The following PIGV variants were observed in gnomAD, a reference collection of about 807,000 sequenced individuals.
PIGV encodes the protein phosphatidylinositol glycan anchor biosynthesis class V, also known as GPI alpha-1,6-mannosyltransferase 2.
A neutral mutation model predicts 39.2 loss-of-function variants in PIGV; 27 were observed. The ratio of observed to expected loss-of-function variants is 0.69; its 90% CI spans 0.51 to 0.95. PIGV has a LOEUF of 0.95. Ranked by LOEUF, PIGV falls within the 40% of genes least tolerant of loss-of-function variation. PIGV has a pLI of 0.00. For missense variants in PIGV, 523 were observed against 586.4 expected (o/e 0.89, Z 1.12); for synonymous variants, 232 against 241.7 (o/e 0.96, Z 0.37).
intron 1 of PIGV, chr1:26,788,978 G>A (rs2081276264): frequency 1.3e-5 from 2 of 152,240 alleles, no homozygotes. Flanking sequence ...GCTGAGGCTA[G>A]AGCTTGACTC....
intron 3 of PIGV, among the ~76,000 whole-genome samples, chr1:26,796,649 G>T (rs76388446): frequency 0.17 from 25,599 of 152,198 alleles, 2,706 homozygotes; most frequent in South Asian, 0.26. Context: ...CACGAGGGTT[G>T]TGAAAGGACC....
rs771177205 is a variant in PIGV at position 26,797,776 on chromosome 1, C to G, written c.1414C>G (p.Leu472Val). ...CTGTTCTCCAGTCACACGATACATT[C>G]TAGGCTACTTCCTGACTTACTGGCT... ...KTCSPVTRYI[L>V]GYFLTYWLLG... Residue 472 changes from leucine (L) to valine (V), a missense_variant, in exon 4 of 4, where the codon CTA becomes GTA. By Grantham distance (32) the Leu-to-Val change is conservative (BLOSUM62 1). Transcript: ENST00000674202. The G allele has an allele frequency of 3.7e-6, 6 of 1,613,986 alleles. No homozygotes were observed. The Admixed American group carries it at 5.0e-5, about 13-fold the overall frequency.
At position 26,790,834 on chromosome 1, in the gene PIGV, TC is replaced by T. The variant is rs1188539576; in HGVS notation, c.22del (p.Arg8GlyfsTer5). The T allele has an allele frequency of 6.2e-7, 1 of 1,613,984 alleles. No individual in the cohort carries two copies. The highest frequency in any genetic ancestry group is 1.3e-5 in the African/African-American group (1 of 74,932). Reference protein sequence around the residue: MWPQDPSRKEVLRFAVS... With the variant: MWPQDPXRKEVLRFAVS... ...TGAAAGGATGTGGCCCCAGGACCCA[TC>T]CCGGAAGGAGGTGCTGAGGTTTGCA... On this transcript the variant is annotated frameshift_variant, in exon 2 of 4. Transcript: ENST00000674202. LOFTEE classifies it high-confidence loss of function.
At position 26,794,256 on chromosome 1, in the gene PIGV, T is replaced by G; in HGVS notation, c.222T>G (p.Ile74Met). Residue 74 changes from isoleucine to methionine, a missense_variant, in exon 3 of 4, where the codon ATT becomes ATG. By Grantham distance (10) the Ile-to-Met change is conservative (BLOSUM62 1). Transcript: ENST00000674202. ...SHWDAEHFLFIAEHGYLYEHN... is the reference protein window; with the variant it reads ...SHWDAEHFLFMAEHGYLYEHN... Reference sequence around the variant, plus strand: ...GGGATGCTGAACACTTCTTGTTCATTGCTGAGCATGGCTACCTGTATGAGC... The same window carrying G: ...GGGATGCTGAACACTTCTTGTTCATGGCTGAGCATGGCTACCTGTATGAGC... The G allele has an allele frequency of 6.2e-7, 1 of 1,614,268 alleles. No individual in the cohort carries two copies. The highest frequency in any genetic ancestry group is 8.5e-7 in the Non-Finnish European group (1 of 1,180,046).
intron 1 of PIGV, chr1:26,788,507 C>T (rs1286988003): frequency 6.6e-6 from 1 of 152,300 alleles, no homozygotes; most frequent in Non-Finnish European, 1.5e-5. Context: ...CTACCCTAAG[C>T]ATACCTAGCA....
At position 26,794,969 on chromosome 1, in the gene PIGV, G is replaced by A; in HGVS notation, c.935G>A (p.Trp312Ter). Residue 312 changes from tryptophan to a stop codon, truncating the protein, a stop_gained, in exon 3 of 4, where the codon TGG becomes TAG. Coordinates refer to ENST00000674202, the MANE Select transcript of PIGV (RefSeq NM_017837.4). LOFTEE classifies it high-confidence loss of function. ...TACAGCTATATCCAGGATGTCTACT[G>A]GAATGTTGGCTTTTTGAAATACTAT... is the stretch of plus-strand genomic sequence containing the variant. ...LIYSYIQDVY[W>*]NVGFLKYYEL... 3 of 1,614,184 alleles carry A rather than the reference G, an allele frequency of 1.9e-6. No individual in the cohort carries two copies. Among genetic ancestry groups the A allele is most frequent in the Non-Finnish European group, 2.5e-6 (3 of 1,180,032 alleles).
rs1176057741 is a variant in PIGV, at chr1:26,795,108, G to T, written c.1074G>T (p.Leu358=). The T allele has an allele frequency of 5.0e-6, 8 of 1,614,036 alleles. No homozygotes were observed. In the South Asian group the frequency reaches 8.8e-5, roughly 18 times the overall value. The change falls in exon 3 of 4, where the codon CTG becomes CTT. Residue 358 remains leucine (L), a synonymous_variant. Coordinates refer to ENST00000674202, the MANE Select transcript of PIGV (RefSeq NM_017837.4). ...THPWLCLTLG[L]QRSKNNKTLE... ...CTTGGCTCTGCCTTACACTTGGGCT[G>T]CAAAGGAGCAAGAACAATAAGACCC...
At chr1:26,794,066 T>G in intron 2 of PIGV, 47 bp from the exon 3 acceptor site, 1 of 1,560,044 alleles carries the variant, frequency 6.4e-7, no homozygotes, top group Non-Finnish European at 8.8e-7. Flanking sequence ...GGCAATTCTT[T>G]TCTTCCAGTT....
intron 1 of PIGV, among the ~76,000 whole-genome samples, chr1:26,789,585 C>A (rs979672905): frequency 2.6e-5 from 4 of 152,070 alleles, no homozygotes; most frequent in Non-Finnish European, 5.9e-5. Context: ...TGTTCTAGGC[C>A]CTGGGATATA....
rs368661490 is a variant in PIGV at position 26,795,252 on chromosome 1, C to A, written c.1200+18C>A. 1.9e-6 allele frequency: 3 copies of A among 1,612,944 alleles called. No homozygotes were observed. The African/African-American group carries it at 4.0e-5, about 22-fold the overall frequency. ...ATGTTCAGGTGAGGTGGATTCCTGA[C>A]TGGGATAAGGATGTGAATACAGGCA... On this transcript the variant is annotated intron_variant, in intron 3 of 3. Coordinates refer to ENST00000674202, the MANE Select transcript of PIGV (RefSeq NM_017837.4).
rs964889867 is a variant in PIGV at position 26,794,079 on chromosome 1, T to C, written c.79-34T>C. The C allele has an allele frequency of 1.9e-6, 3 of 1,603,818 alleles. No individual in the cohort carries two copies. The African/African-American group carries it at 4.0e-5, about 21-fold the overall frequency. Reference sequence around the variant, plus strand: ...ATGGCAATTCTTTTCTTCCAGTTACTCAACCAAAATTCTGGTTTTTCTTTA... The same window carrying C: ...ATGGCAATTCTTTTCTTCCAGTTACCCAACCAAAATTCTGGTTTTTCTTTA... On this transcript the variant is annotated intron_variant, in intron 2 of 3. Coordinates refer to ENST00000674202, the MANE Select transcript of PIGV (RefSeq NM_017837.4).
intron 1 of PIGV, 41 bp from the exon 2 acceptor site, chr1:26,790,718 C>G: frequency 1.0e-6 from 1 of 953,668 alleles, no homozygotes; most frequent in Non-Finnish European, 1.7e-6. Context: ...CAAGAATTTG[C>G]TTTCACTCGA....
In PIGV at chr1:26,797,777, T is replaced by C. The variant is rs774605091; in HGVS notation, c.1415T>C (p.Leu472Pro). 102 of 1,613,936 alleles carry C rather than the reference T, an allele frequency of 6.3e-5. No individual in the cohort carries two copies. The highest frequency in any genetic ancestry group is 8.5e-5 in the Non-Finnish European group (100 of 1,179,902). Residue 472 changes from leucine (L) to proline (P), a missense_variant, in exon 4 of 4, where the codon CTA becomes CCA. Leu to Pro is a moderately conservative substitution (Grantham distance 98, BLOSUM62 -3). Coordinates refer to ENST00000674202, the MANE Select transcript of PIGV (RefSeq NM_017837.4). Reference protein sequence around the residue: ...KTCSPVTRYILGYFLTYWLLG... With the variant: ...KTCSPVTRYIPGYFLTYWLLG... ...TGTTCTCCAGTCACACGATACATTC[T>C]AGGCTACTTCCTGACTTACTGGCTC... is the stretch of plus-strand genomic sequence containing the variant.
intron 1 of PIGV, among the ~76,000 whole-genome samples, chr1:26,790,480 G>T (rs2081295500): frequency 6.6e-6 from 1 of 152,198 alleles, no homozygotes; most frequent in Non-Finnish European, 1.5e-5. Context: ...CAGATCTTTA[G>T]TTCCTGCAGA....
In PIGV at chr1:26,797,810, T is replaced by G. The variant is rs149327962; in HGVS notation, c.1448T>G (p.Leu483Arg). The G allele has an allele frequency of 6.8e-6, 11 of 1,613,996 alleles. No individual in the cohort carries two copies. The highest frequency in any genetic ancestry group is 1.7e-5 in the Admixed American group (1 of 60,002). The change falls in exon 4 of 4, where the codon CTA (leucine) becomes CGA (arginine). Residue 483 changes from leucine (L) to arginine (R), a missense_variant. By Grantham distance (102) the Leu-to-Arg change is moderately radical. Coordinates refer to ENST00000674202, the MANE Select transcript of PIGV (RefSeq NM_017837.4). Reference sequence around the variant, plus strand: ...TTCCTGACTTACTGGCTCCTGGGACTACTCCTACATTGCAACTTCCTGCCT... The same window carrying G: ...TTCCTGACTTACTGGCTCCTGGGACGACTCCTACATTGCAACTTCCTGCCT... ...GYFLTYWLLG[L>R]LLHCNFLPWT
chr1:26,798,491 A>C lies in PIGV; in HGVS notation c.*647A>C, dbSNP rs2081415135. 1 of 153,374 alleles carries C rather than the reference A, an allele frequency of 6.5e-6. No individual in the cohort carries two copies. The highest frequency in any genetic ancestry group is 6.5e-5 in the Admixed American group (1 of 15,452). The allele number at this position is 153,374 out of a possible 1,614,324, so 9.5% of individuals were successfully genotyped here. A position where few individuals can be genotyped will look rare whatever the true frequency, so the allele number is the denominator to read the frequency against. Reference sequence around the variant, plus strand: ...TTTGTGATGCCGAGGTGGGCAGATCACTTGAGGCCAGGAGTTTGAGACCGG... The same window carrying C: ...TTTGTGATGCCGAGGTGGGCAGATCCCTTGAGGCCAGGAGTTTGAGACCGG... On this transcript the variant is annotated 3_prime_UTR_variant, in exon 4 of 4. Coordinates refer to ENST00000674202, the MANE Select transcript of PIGV (RefSeq NM_017837.4).
intron 3 of PIGV, 55 bp downstream of exon 3, chr1:26,795,289 C>T: frequency 6.2e-7 from 1 of 1,603,050 alleles, no homozygotes; most frequent in South Asian, 1.1e-5. Context: ...AACCCCTTGG[C>T]CAAGGACAGG....
chr1:26,791,423 C>T (rs1301158002), intron 2 of PIGV, among the ~76,000 whole-genome samples: 2 of 152,186 alleles, frequency 1.3e-5, no homozygotes, highest in South Asian at 2.1e-4. Flanking sequence ...TGCACTTGCC[C>T]GTTTGCAGCT....
At chr1:26,790,317 T>C (rs1260293247) in intron 1 of PIGV, among the ~76,000 whole-genome samples, 2 of 152,112 alleles carry the variant, frequency 1.3e-5, no homozygotes, top group African/African-American at 4.8e-5. Context: ...ACAACACAGA[T>C]TTGAGTAGAA....
Sources: gnomAD v4.1 joint callset for allele counts (sites outside exome capture counted in the v4.1 genomes callset) on GRCh38, gnomAD v4.1.1 for gene constraint, MANE v1.5 for transcripts, NCBI Gene and HGNC (gene_info 2026-07-23, HGNC 2026-07-21) for gene names.